PTPRT: variants seen among roughly 807,000 people sequenced by gnomAD.
The protein encoded by PTPRT is receptor-type tyrosine-protein phosphatase T.
PTPRT carries 56 observed loss-of-function variants against 176.8 expected under a neutral mutation model. That is an observed-to-expected ratio of 0.32 (90% CI 0.26 to 0.40). The LOEUF (loss-of-function observed/expected upper bound fraction) is 0.40. Among genes scored for constraint, PTPRT ranks in the 10% least tolerant of loss-of-function variants. PTPRT has a pLI of 1.00. For synonymous variants in PTPRT, 783 were observed against 739.0 expected (o/e 1.06, Z -0.96); for missense variants, 1,540 against 1,908.2 (o/e 0.81, Z 3.60).
chr20:42,213,255 C>T (rs908826138), intron 15 of PTPRT, among the ~76,000 whole-genome samples: 2 of 72,776 alleles, frequency 2.7e-5, no homozygotes, highest in Non-Finnish European at 8.2e-5. Flanking sequence ...GGTGGGCCCA[C>T]TCTTCAGCAG....
At chr20:42,726,057 T>TTTTTTA (rs1555905826) in intron 6 of PTPRT, among the ~76,000 whole-genome samples, 15 of 142,286 alleles carry the variant, frequency 1.1e-4, no homozygotes, top group African/African-American at 2.9e-4. Flanking sequence ...TGTGGGCATC[T>TTTTTTA]TTATTATTAT....
At chr20:43,095,562 A>C (rs1600709297) in intron 1 of PTPRT, among the ~76,000 whole-genome samples, 1 of 147,568 alleles carries the variant, frequency 6.8e-6, no homozygotes, top group African/African-American at 2.5e-5. Context: ...GCTATCTCTC[A>C]CCCTACTTTT....
In PTPRT at chr20:42,346,699, A is replaced by G. The variant is rs1273864715; in HGVS notation, c.1865+3929T>C. Among the ~76,000 whole-genome samples, 3 of 152,314 alleles carry G rather than the reference A, an allele frequency of 2.0e-5. No homozygotes were observed. The East Asian group carries it at 5.8e-4, about 29-fold the overall frequency. ...TAGAGTCAGATCCACAGGGCTTCAG[A>G]GGAGCAGTAAGTGGCAAAGCAGGGG... On this transcript the variant is annotated intron_variant, in intron 11 of 30. Coordinates refer to ENST00000373187, the MANE Select transcript of PTPRT (RefSeq NM_007050.6).
At chr20:42,890,707 C>A (rs1331485160) in intron 1 of PTPRT, among the ~76,000 whole-genome samples, 1 of 152,090 alleles carries the variant, frequency 6.6e-6, no homozygotes, top group East Asian at 1.9e-4. Flanking sequence ...TGGCCATAAC[C>A]AAAACAGGCC....
At chr20:42,315,355 T>C (rs2057704675) in intron 12 of PTPRT, among the ~76,000 whole-genome samples, 1 of 152,268 alleles carries the variant, frequency 6.6e-6, no homozygotes, top group African/African-American at 2.4e-5. Context: ...TATTATTATA[T>C]ATGAAGAACT....
At chr20:42,409,845 T>C (rs1321693181) in intron 9 of PTPRT, among the ~76,000 whole-genome samples, 1 of 152,242 alleles carries the variant, frequency 6.6e-6, no homozygotes, top group Non-Finnish European at 1.5e-5. Context: ...TACTATCTAC[T>C]TGGCTTAAAA....
At chr20:42,652,512 T>G (rs2075050694) in intron 7 of PTPRT, among the ~76,000 whole-genome samples, 2 of 152,174 alleles carry the variant, frequency 1.3e-5, no homozygotes, top group Admixed American at 6.5e-5. Flanking sequence ...TGCCACTGGT[T>G]GCTGATTTCC....
chr20:42,374,001 G>T (rs539538688), intron 9 of PTPRT, among the ~76,000 whole-genome samples: 218 of 152,308 alleles, frequency 1.4e-3, no homozygotes, highest in Middle Eastern at 0.01. Flanking sequence ...GGAACTGGGG[G>T]CTCCAGGGAG....
intron 15 of PTPRT, among the ~76,000 whole-genome samples, chr20:42,201,913 C>T (rs1021144294): frequency 6.7e-6 from 1 of 149,090 alleles, no homozygotes; most frequent in Non-Finnish European, 1.5e-5. Context: ...GAAAGGGGAA[C>T]TGGATCCAGG....
intron 7 of PTPRT, among the ~76,000 whole-genome samples, chr20:42,547,968 T>C (rs1034648201): frequency 2.0e-5 from 3 of 152,012 alleles, no homozygotes; most frequent in African/African-American, 7.2e-5. Context: ...AGATACCATA[T>C]ACTATGATAA....
intron 7 of PTPRT, among the ~76,000 whole-genome samples, chr20:42,660,673 G>A (rs994296498): frequency 6.6e-6 from 1 of 152,084 alleles, no homozygotes; most frequent in Non-Finnish European, 1.5e-5. Flanking sequence ...CCTATTTATT[G>A]CATCCCTCCA....
At chr20:42,122,207 T>C (rs1385666336) in intron 19 of PTPRT, among the ~76,000 whole-genome samples, 1 of 152,244 alleles carries the variant, frequency 6.6e-6, no homozygotes, top group Non-Finnish European at 1.5e-5. Flanking sequence ...ATTTACCTCA[T>C]AGTGTTGTTG....
intron 6 of PTPRT, among the ~76,000 whole-genome samples, chr20:42,741,800 CAATA>C (rs1203041694): frequency 4.6e-5 from 7 of 151,988 alleles, no homozygotes; most frequent in African/African-American, 1.5e-4. Flanking sequence ...TAGGCACAGG[CAATA>C]CCTAGACGTA....
chr20:42,770,626 C>A (rs2077048747), intron 5 of PTPRT, among the ~76,000 whole-genome samples: 1 of 149,156 alleles, frequency 6.7e-6, no homozygotes. Flanking sequence ...ACAGATTGCT[C>A]ATTTTAGTGA....
the PTPRT span, among the ~76,000 whole-genome samples, chr20:42,048,600 C>T: frequency 5.9e-5 from 9 of 152,170 alleles, no homozygotes; most frequent in Middle Eastern, 3.4e-3. Flanking sequence ...CAGTGTGTTC[C>T]CTACTGACAG....
chr20:42,756,845 G>A (rs1279679031), intron 5 of PTPRT, among the ~76,000 whole-genome samples: 1 of 152,140 alleles, frequency 6.6e-6, no homozygotes, highest in Non-Finnish European at 1.5e-5. Flanking sequence ...GAGGCCAGGA[G>A]TTTGAGACCA....
intron 4 of PTPRT, among the ~76,000 whole-genome samples, chr20:42,779,507 C>T (rs1000497557): frequency 6.6e-6 from 1 of 152,146 alleles, no homozygotes; most frequent in Non-Finnish European, 1.5e-5. Flanking sequence ...GATTTCAGTC[C>T]CCCCAACCAA....
intron 2 of PTPRT, among the ~76,000 whole-genome samples, chr20:42,868,711 T>C (rs775021866): frequency 2.6e-5 from 4 of 152,176 alleles, no homozygotes; most frequent in Non-Finnish European, 1.5e-5. Context: ...GGAAGCCAGA[T>C]GCTATTTATC....
At chr20:42,217,793 T>G (rs1313059578) in intron 15 of PTPRT, among the ~76,000 whole-genome samples, 1 of 152,224 alleles carries the variant, frequency 6.6e-6, no homozygotes, top group East Asian at 1.9e-4. Flanking sequence ...ATGGTTTTCT[T>G]TTTGGGTAGG....
Sources: gnomAD v4.1 joint callset for allele counts (sites outside exome capture counted in the v4.1 genomes callset) on GRCh38, gnomAD v4.1.1 for gene constraint, MANE v1.5 for transcripts, NCBI Gene and HGNC (gene_info 2026-07-23, HGNC 2026-07-21) for gene names.